Variants in PTPN13 observed in about 807,000 individuals in gnomAD.
PTPN13 encodes the protein protein tyrosine phosphatase non-receptor type 13, also known as tyrosine-protein phosphatase non-receptor type 13.
A neutral mutation model predicts 284.0 loss-of-function variants in PTPN13; 191 were observed. The observed-to-expected ratio is 0.67, with a 90% confidence interval of 0.60 to 0.76. The LOEUF (loss-of-function observed/expected upper bound fraction) is 0.76. Ranked by LOEUF, PTPN13 falls within the 30% of genes least tolerant of loss-of-function variation. PTPN13 has a pLI of 0.00. For synonymous variants in PTPN13, 986 were observed against 1,022.3 expected, an observed-to-expected ratio of 0.96 and a Z score of 0.68; for missense variants, 2,797 against 2,939.9, an observed-to-expected ratio of 0.95 and a Z score of 1.12.
At chr4:86,674,425 C>A (rs1728053053) in intron 3 of PTPN13, among the ~76,000 whole-genome samples, 1 of 152,116 alleles carries the variant, frequency 6.6e-6, no homozygotes, top group Non-Finnish European at 1.5e-5. Flanking sequence ...ATTCTAATTT[C>A]TTTAAACTGA....
At chr4:86,792,087 C>T (rs1035242772) in intron 40 of PTPN13, among the ~76,000 whole-genome samples, 4 of 151,912 alleles carry the variant, frequency 2.6e-5, no homozygotes, top group African/African-American at 7.3e-5. Context: ...TCTAACAAGT[C>T]GCAAGAAAGC....
intron 3 of PTPN13, among the ~76,000 whole-genome samples, chr4:86,674,834 A>G (rs1053971508): frequency 6.6e-6 from 1 of 152,212 alleles, no homozygotes; most frequent in Non-Finnish European, 1.5e-5. Flanking sequence ...TAGTATACAT[A>G]TATAGTTATT....
chr4:86,796,597 T>C (rs1181234037), intron 40 of PTPN13, among the ~76,000 whole-genome samples: 1 of 152,176 alleles, frequency 6.6e-6, no homozygotes, highest in Non-Finnish European at 1.5e-5. Flanking sequence ...GTCATGATTG[T>C]ACCACTGGAC....
intron 30 of PTPN13, among the ~76,000 whole-genome samples, chr4:86,770,701 C>T (rs1344220406): frequency 6.6e-6 from 1 of 151,902 alleles, no homozygotes; most frequent in Non-Finnish European, 1.5e-5. Context: ...TTAAAAATGG[C>T]CTATATTCTG....
chr4:86,709,336 C>A (rs1448152564), intron 7 of PTPN13, among the ~76,000 whole-genome samples: 1 of 152,094 alleles, frequency 6.6e-6, no homozygotes, highest in Non-Finnish European at 1.5e-5. Flanking sequence ...GCTTGTCTTT[C>A]CTCGTACAGA....
At chr4:86,775,700 T>C in intron 35 of PTPN13, 48 bp downstream of exon 35, 3 of 1,379,114 alleles carry the variant, frequency 2.2e-6, no homozygotes. Flanking sequence ...TGTGTGCATT[T>C]CAGGTCATTG....
chr4:86,767,069 G>A (rs1427609685), intron 27 of PTPN13, among the ~76,000 whole-genome samples: 4 of 151,480 alleles, frequency 2.6e-5, no homozygotes, highest in Non-Finnish European at 4.4e-5. Context: ...ACAGGCTTGT[G>A]CCACCATGCC....
At chr4:86,779,376 C>T (rs1374413588) in intron 35 of PTPN13, among the ~76,000 whole-genome samples, 1 of 150,324 alleles carries the variant, frequency 6.7e-6, no homozygotes, top group African/African-American at 2.5e-5. Flanking sequence ...GAGATAGCGC[C>T]ACTGCACTCC....
chr4:86,754,605 T>C (rs13113689), intron 20 of PTPN13, among the ~76,000 whole-genome samples: 34,519 of 151,922 alleles, frequency 0.23, 4,621 homozygotes, highest in East Asian at 0.3. Flanking sequence ...GTTTCTAGAG[T>C]CTACACTCTA....
At chr4:86,785,814 T>C in intron 39 of PTPN13, 34 bp from the exon 40 acceptor site, 1 of 1,362,866 alleles carries the variant, frequency 7.3e-7, no homozygotes, top group Non-Finnish European at 1.0e-6. Context: ...AATAGTTTTA[T>C]AAATTCCTCT....
chr4:86,647,956 T>C (rs988997676), intron 2 of PTPN13, among the ~76,000 whole-genome samples: 3 of 152,120 alleles, frequency 2.0e-5, no homozygotes, highest in African/African-American at 4.8e-5. Context: ...TGTGGTACTT[T>C]GTTATAGCAG....
chr4:86,746,625 G>A (rs1446005190), intron 17 of PTPN13, among the ~76,000 whole-genome samples: 2 of 151,118 alleles, frequency 1.3e-5, no homozygotes, highest in Non-Finnish European at 3.0e-5. Flanking sequence ...CCTCAGTAAT[G>A]TTTTTTTTTG....
chr4:86,607,894 T>C (rs923591804), intron 1 of PTPN13, among the ~76,000 whole-genome samples: 8 of 152,046 alleles, frequency 5.3e-5, no homozygotes, highest in African/African-American at 1.7e-4. Flanking sequence ...AAAGTAAAGA[T>C]AATGAAGTGC....
At chr4:86,643,540 A>G (rs1452790289) in intron 2 of PTPN13, among the ~76,000 whole-genome samples, 27 of 152,334 alleles carry the variant, frequency 1.8e-4, no homozygotes, top group Non-Finnish European at 4.4e-5. Context: ...CTGTTAAATA[A>G]TATCAGCAAA....
Position 86,703,696 on chromosome 4 carries a change from A to G in PTPN13, c.1195+1895A>G, listed in dbSNP as rs746556978. ...AGTCTGGGCAATATAGCAAGACCTC[A>G]TATCTACAAAAAAAATTTTTTAATT... On this transcript the variant is annotated intron_variant, in intron 7 of 47. Transcript: ENST00000411767. 4.1e-4 allele frequency among the ~76,000 whole-genome samples: 63 copies of G among 152,176 alleles called. 1 individual carries two copies. Among genetic ancestry groups the G allele is most frequent in the Non-Finnish European group, 7.6e-4 (52 of 67,988 alleles).
chr4:86,692,853 G>C (rs943838349), intron 5 of PTPN13, among the ~76,000 whole-genome samples: 1 of 152,102 alleles, frequency 6.6e-6, no homozygotes, highest in African/African-American at 2.4e-5. Flanking sequence ...GCCAAGGCAG[G>C]CAGATCACTT....
At chr4:86,674,440 CAT>C (rs1728055708) in intron 3 of PTPN13, among the ~76,000 whole-genome samples, 1 of 152,140 alleles carries the variant, frequency 6.6e-6, no homozygotes, top group Admixed American at 6.5e-5. Context: ...AACTGACAAT[CAT>C]ATTTTTCTTT....
intron 7 of PTPN13, among the ~76,000 whole-genome samples, chr4:86,706,843 T>C (rs916096939): frequency 1.3e-5 from 2 of 152,196 alleles, no homozygotes; most frequent in Non-Finnish European, 2.9e-5. Flanking sequence ...TAGAAACTAG[T>C]TTTAAAATTT....
chr4:86,696,015 A>T (rs549238233), intron 6 of PTPN13, among the ~76,000 whole-genome samples: 2 of 152,014 alleles, frequency 1.3e-5, no homozygotes, highest in African/African-American at 2.4e-5. Context: ...TCAAATGCTA[A>T]CATAATTTAG....
Sources: gnomAD v4.1 joint callset for allele counts (sites outside exome capture counted in the v4.1 genomes callset) on GRCh38, gnomAD v4.1.1 for gene constraint, MANE v1.5 for transcripts, NCBI Gene and HGNC (gene_info 2026-07-23, HGNC 2026-07-21) for gene names.